Variants in ST3GAL6 observed in about 807,000 individuals in gnomAD.
ST3GAL6 encodes the protein ST3 beta-galactoside alpha-2,3-sialyltransferase 6.
Under a neutral mutation model 40.5 loss-of-function variants are expected in ST3GAL6, and 31 were observed. The observed-to-expected ratio is 0.77, with a 90% CI of 0.58 to 1.03. The LOEUF (loss-of-function observed/expected upper bound fraction) is 1.03. ST3GAL6 is among the 50% of genes least tolerant of loss of function. ST3GAL6 has a pLI of 0.00. For missense variants in ST3GAL6, 357 were observed against 393.2 expected, an observed-to-expected ratio of 0.91 and a Z score of 0.78; for synonymous variants, 129 against 136.9, an observed-to-expected ratio of 0.94 and a Z score of 0.40.
rs748460773 is a variant in ST3GAL6 at position 98,772,847 on chromosome 3, G to A, written c.202G>A (p.Asp68Asn). Reference protein sequence around the residue: ...HQFHPFLCAADFRKIASLYGS... With the variant: ...HQFHPFLCAANFRKIASLYGS... ...GTTTCACCCTTTTCTGTGTGCGGCT[G>A]ATTTTAGAAAGATTGCTTCCTTGTA... Residue 68 changes from aspartate to asparagine, a missense_variant, in exon 4 of 10, where the codon GAT (aspartate) becomes AAT (asparagine). Asp to Asn is a conservative substitution (Grantham distance 23, BLOSUM62 1). Transcript: ENST00000483910. The A allele has an allele frequency of 1.9e-6, 3 of 1,613,462 alleles. No individual in the cohort carries two copies. The highest frequency in any genetic ancestry group is 2.2e-5 in the South Asian group (2 of 91,050).
chr3:98,775,526 T>G (rs1045551511), intron 5 of ST3GAL6, among the ~76,000 whole-genome samples: 1 of 150,906 alleles, frequency 6.6e-6, no homozygotes, highest in African/African-American at 2.4e-5. Flanking sequence ...TATCTGCAAA[T>G]ATTTGTAAAG....
intron 1 of ST3GAL6, among the ~76,000 whole-genome samples, chr3:98,740,537 C>T (rs1443283636): frequency 1.3e-5 from 2 of 152,140 alleles, no homozygotes; most frequent in Non-Finnish European, 2.9e-5. Flanking sequence ...TCCACACTCT[C>T]CCATCTAAGC....
At chr3:98,782,990 G>A in intron 5 of ST3GAL6, 2 of 318,274 alleles carry the variant, frequency 6.3e-6, no homozygotes, top group South Asian at 2.9e-5. Flanking sequence ...TGACAAATGT[G>A]GTCCTGGCAT....
intron 1 of ST3GAL6, among the ~76,000 whole-genome samples, chr3:98,741,976 A>G (rs1259915251): frequency 1.3e-5 from 2 of 152,196 alleles, no homozygotes; most frequent in African/African-American, 4.8e-5. Context: ...CAATGAGAAG[A>G]GTCAAGAGGA....
chr3:98,768,050 GAGAGA>G (rs1424272002), intron 1 of ST3GAL6, among the ~76,000 whole-genome samples: 6 of 152,166 alleles, frequency 3.9e-5, no homozygotes, highest in African/African-American at 1.4e-4. Flanking sequence ...TTTCTACTGA[GAGAGA>G]AAATAGATAG....
At chr3:98,748,061 TA>T in intron 1 of ST3GAL6, among the ~76,000 whole-genome samples, 1 of 152,368 alleles carries the variant, frequency 6.6e-6, no homozygotes, top group African/African-American at 2.4e-5. Context: ...AGATCACAAC[TA>T]GGAGCCATAC....
chr3:98,777,414 T>TC (rs1218235887), intron 5 of ST3GAL6, among the ~76,000 whole-genome samples: 1 of 152,092 alleles, frequency 6.6e-6, no homozygotes, highest in African/African-American at 2.4e-5. Flanking sequence ...CTCCTCCCCC[T>TC]CCCCCAGAAC....
At chr3:98,757,926 C>T (rs1937528357) in intron 1 of ST3GAL6, among the ~76,000 whole-genome samples, 2 of 151,886 alleles carry the variant, frequency 1.3e-5, no homozygotes, top group Non-Finnish European at 1.5e-5. Context: ...ACCTCTGCCT[C>T]CCGGGTTCAA....
At chr3:98,781,093 G>A (rs1407387645) in intron 5 of ST3GAL6, among the ~76,000 whole-genome samples, 2 of 152,296 alleles carry the variant, frequency 1.3e-5, no homozygotes, top group African/African-American at 4.8e-5. Context: ...GCCCATCAAT[G>A]ATAGATTGAA....
intron 5 of ST3GAL6, among the ~76,000 whole-genome samples, chr3:98,776,094 AT>A (rs1939525978): frequency 6.6e-6 from 1 of 152,238 alleles, no homozygotes; most frequent in African/African-American, 2.4e-5. Context: ...ATAGATAAGA[AT>A]ATATTTATGA....
At chr3:98,788,535 T>A (rs1040901178) in intron 8 of ST3GAL6, 72 bp downstream of exon 8, 7 of 1,404,188 alleles carry the variant, frequency 5.0e-6, no homozygotes, top group Non-Finnish European at 6.6e-6. Context: ...CTGGGAACTC[T>A]CAGAAACTGT....
intron 1 of ST3GAL6, chr3:98,733,154 A>G (rs1410109766): frequency 8.1e-7 from 1 of 1,239,052 alleles, no homozygotes; most frequent in Non-Finnish European, 1.0e-6. Context: ...TTGCCCCTCC[A>G]CATATCCTGC....
chr3:98,745,215 G>T (rs1559723276), intron 1 of ST3GAL6, among the ~76,000 whole-genome samples: 1 of 152,082 alleles, frequency 6.6e-6, no homozygotes, highest in Admixed American at 6.6e-5. Flanking sequence ...TGTATTTTTA[G>T]TAGAGACGGG....
At position 98,794,370 on chromosome 3, in the gene ST3GAL6, T is replaced by G. The variant is rs1941441017; in HGVS notation, c.*609T>G. On this transcript the variant is annotated 3_prime_UTR_variant, in exon 10 of 10. Transcript: ENST00000483910. Reference sequence around the variant, plus strand: ...AGTTCTTATTAGATAAGTAAATAACTAAAGAAAGAATACAATTACTAAACT... The same window carrying G: ...AGTTCTTATTAGATAAGTAAATAACGAAAGAAAGAATACAATTACTAAACT... The G allele has an allele frequency of 6.6e-6, 1 of 152,062 alleles. No homozygotes were observed. The highest frequency in any genetic ancestry group is 6.6e-5 in the Admixed American group (1 of 15,262). The allele number at this position is 152,062 out of a possible 1,614,324, so 9.4% of individuals were successfully genotyped here. A position where few individuals can be genotyped will look rare whatever the true frequency, so the allele number is the denominator to read the frequency against.
intron 5 of ST3GAL6, among the ~76,000 whole-genome samples, chr3:98,781,339 G>A (rs1189129814): frequency 6.6e-6 from 1 of 152,100 alleles, no homozygotes; most frequent in Non-Finnish European, 1.5e-5. Context: ...AGGGTTGGGG[G>A]CTAGGGGAGG....
At chr3:98,741,204 A>T (rs1936059046) in intron 1 of ST3GAL6, among the ~76,000 whole-genome samples, 2 of 152,082 alleles carry the variant, frequency 1.3e-5, no homozygotes, top group Admixed American at 1.3e-4. Flanking sequence ...TTCTCTCCGA[A>T]TGTTCTTGAA....
upstream of ST3GAL6, among the ~76,000 whole-genome samples, chr3:98,762,190 G>A (rs116781384): frequency 0.011 from 1,630 of 152,294 alleles, 27 homozygotes; most frequent in African/African-American, 0.037. Context: ...TAGCAGAAGA[G>A]TTGGGGGAGG....
At chr3:98,771,870 T>G (rs1202665502) in intron 3 of ST3GAL6, among the ~76,000 whole-genome samples, 1 of 152,006 alleles carries the variant, frequency 6.6e-6, no homozygotes, top group Non-Finnish European at 1.5e-5. Flanking sequence ...AGAAATACAT[T>G]TTACTTGGGA....
At chr3:98,786,695 G>C (rs828608) in intron 6 of ST3GAL6, among the ~76,000 whole-genome samples, 1 of 148,378 alleles carries the variant, frequency 6.7e-6, no homozygotes, top group Non-Finnish European at 1.5e-5. Context: ...TTTTTTTTTT[G>C]TTTGTTTTCT....
Sources: gnomAD v4.1 joint callset for allele counts (sites outside exome capture counted in the v4.1 genomes callset) on GRCh38, gnomAD v4.1.1 for gene constraint, MANE v1.5 for transcripts, NCBI Gene and HGNC (gene_info 2026-07-23, HGNC 2026-07-21) for gene names.